Variants in COL23A1 observed in about 807,000 individuals in gnomAD.
The protein encoded by COL23A1 is collagen alpha-1(XXIII) chain.
In COL23A1, 97 loss-of-function variants were observed where a neutral mutation model predicts 99.3. The ratio of observed to expected loss-of-function variants is 0.98; its 90% CI spans 0.83 to 1.16. COL23A1 has a LOEUF of 1.16. COL23A1 is among the 50% of genes most tolerant of loss of function. The pLI, the probability that COL23A1 is intolerant of heterozygous loss-of-function variation, is 0.00. For synonymous variants in COL23A1, 320 were observed against 308.2 expected (o/e 1.04, Z -0.40); for missense variants, 762 against 757.4 (o/e 1.01, Z -0.07).
chr5:178,521,478 A>G (rs888184910), intron 2 of COL23A1, among the ~76,000 whole-genome samples: 2 of 151,228 alleles, frequency 1.3e-5, no homozygotes, highest in East Asian at 2.0e-4. Flanking sequence ...GTGTGAACCC[A>G]GCAGGCGGAG....
At chr5:178,357,778 A>G (rs62389381) in intron 2 of COL23A1, among the ~76,000 whole-genome samples, 10,127 of 137,400 alleles carry the variant, frequency 0.074, 431 homozygotes, top group East Asian at 0.22. Context: ...GTATGTGTGT[A>G]TGTGTATGTG....
At chr5:178,256,294 G>T in intron 15 of COL23A1, 59 bp downstream of exon 15, 2 of 1,337,946 alleles carry the variant, frequency 1.5e-6, no homozygotes, top group Non-Finnish European at 2.0e-6. Context: ...AGGGGCTTCT[G>T]AAGCTATGGG....
intron 2 of COL23A1, among the ~76,000 whole-genome samples, chr5:178,419,702 G>A (rs962752853): frequency 5.9e-5 from 9 of 152,156 alleles, no homozygotes; most frequent in African/African-American, 2.2e-4. Context: ...CTATATCTGA[G>A]TCCTTGTGGA....
chr5:178,384,873 G>A lies in COL23A1; in HGVS notation c.362-77954C>T, dbSNP rs78443836. On this transcript the variant is annotated intron_variant, in intron 2 of 28. Coordinates refer to ENST00000390654, the MANE Select transcript of COL23A1 (RefSeq NM_173465.4). The surrounding 1 kb of genome is among the most constrained non-coding windows in gnomAD (Gnocchi z 5.5). ...GTCCGTAACAGAAAAGCGGGAAATA[G>A]CCTGCAAGGAGGAAGAGCGCGGTGA... Among the ~76,000 whole-genome samples, 769 of 152,306 alleles carry A rather than the reference G, an allele frequency of 5.0e-3. 5 individuals are homozygous for A. Among genetic ancestry groups the A allele is most frequent in the African/African-American group, 0.017 (706 of 41,562 alleles).
intron 2 of COL23A1, among the ~76,000 whole-genome samples, chr5:178,353,182 A>G (rs7727323): frequency 0.044 from 6,731 of 152,302 alleles, 295 homozygotes; most frequent in East Asian, 0.11. Context: ...GGTGAAGTGA[A>G]TTATGGCATA....
rs185042880 is a variant in COL23A1 at position 178,423,577 on chromosome 5, G to A, written c.362-116658C>T. On this transcript the variant is annotated intron_variant, in intron 2 of 28. Transcript: ENST00000390654. The stretch of plus-strand genomic sequence containing the variant: ...AGTAAATGCATCTTCCACCTCGGAT[G>A]GGTGGATGGGGATGTGACCTCACTG... 4.1e-3 allele frequency among the ~76,000 whole-genome samples: 625 copies of A among 152,294 alleles called. 2 individuals carry two copies. The highest frequency in any genetic ancestry group is 7.5e-3 in the Non-Finnish European group (510 of 68,044).
chr5:178,271,951 A>C (rs924018384), intron 5 of COL23A1, among the ~76,000 whole-genome samples: 1 of 152,176 alleles, frequency 6.6e-6, no homozygotes. Context: ...GCCTTCACGC[A>C]GCCTTCGCTC....
chr5:178,283,816 G>A (rs550344021), intron 5 of COL23A1, among the ~76,000 whole-genome samples: 3 of 152,308 alleles, frequency 2.0e-5, no homozygotes, highest in African/African-American at 7.2e-5. Flanking sequence ...GTTTAGAGAG[G>A]AAAAAGCGCT....
At chr5:178,353,910 A>G (rs1464647636) in intron 2 of COL23A1, among the ~76,000 whole-genome samples, 1 of 151,688 alleles carries the variant, frequency 6.6e-6, no homozygotes, top group African/African-American at 2.4e-5. Context: ...ACAAGAGACA[A>G]AACTGTGTAT....
chr5:178,455,720 C>T (rs984636195), intron 2 of COL23A1, among the ~76,000 whole-genome samples: 1 of 152,032 alleles, frequency 6.6e-6, no homozygotes, highest in Non-Finnish European at 1.5e-5. Flanking sequence ...GGCACCTATC[C>T]CCTGCCCACC....
At chr5:178,447,305 G>A (rs1335565073) in intron 2 of COL23A1, among the ~76,000 whole-genome samples, 1 of 152,048 alleles carries the variant, frequency 6.6e-6, no homozygotes, top group Non-Finnish European at 1.5e-5. Flanking sequence ...TATTGGCCAG[G>A]CTGGTCTTGA....
rs1313288318 is a variant in COL23A1, at chr5:178,247,815, T to C, written c.1229A>G (p.Glu410Gly). 1.2e-6 allele frequency: 2 copies of C among 1,613,048 alleles called. No individual in the cohort carries two copies. The highest frequency in any genetic ancestry group is 2.2e-5 in the East Asian group (1 of 44,846). Reference protein sequence around the residue: ...LQESLAQLIVEPGPPGPPGPP... With the variant: ...LQESLAQLIVGPGPPGPPGPP... Reference sequence around the variant, plus strand: ...GCCAGGGGGGCCAGGGGGCCCTGGCTCCACTATGAGCTGAGCCTAGGGAGG... The same window carrying C: ...GCCAGGGGGGCCAGGGGGCCCTGGCCCCACTATGAGCTGAGCCTAGGGAGG... Residue 410 changes from glutamate (E) to glycine (G), a missense_variant, in exon 21 of 29, where the codon GAG becomes GGG. Transcript: ENST00000390654.
At chr5:178,586,570 A>G (rs1030933504) in intron 1 of COL23A1, among the ~76,000 whole-genome samples, 3 of 151,192 alleles carry the variant, frequency 2.0e-5, no homozygotes, top group African/African-American at 4.9e-5. Flanking sequence ...CATTCTAAAC[A>G]TGCTACTATT....
chr5:178,483,201 A>G (rs1581476733), intron 2 of COL23A1, among the ~76,000 whole-genome samples: 1 of 152,260 alleles, frequency 6.6e-6, no homozygotes, highest in Admixed American at 6.5e-5. Context: ...TTATGCAGAT[A>G]TCTAGAGTTA....
At position 178,358,729 on chromosome 5, in the gene COL23A1, GTGTA is replaced by G. The variant is rs1225705295; in HGVS notation, c.362-51814_362-51811del. ...TGTGTGTATGTGTGTATGTGTATGT[GTGTA>G]TGTGTATCTGTGTGTGTATCTGTGT... On this transcript the variant is annotated intron_variant, in intron 2 of 28. Transcript: ENST00000390654. 1.6e-4 allele frequency among the ~76,000 whole-genome samples: 18 copies of G among 112,980 alleles called. 1 individual carries two copies. The highest frequency in any genetic ancestry group is 3.3e-4 in the Admixed American group (4 of 12,222). 74.1% of individuals were successfully genotyped at this position (112,980 alleles called of 152,430 possible).
At chr5:178,326,892 G>T (rs59428358) in intron 2 of COL23A1, among the ~76,000 whole-genome samples, 1 of 152,082 alleles carries the variant, frequency 6.6e-6, no homozygotes, top group South Asian at 2.1e-4. Context: ...GCTAATTTTC[G>T]TATTTTTAGT....
intron 6 of COL23A1, among the ~76,000 whole-genome samples, 162 bp downstream of exon 6, chr5:178,270,175 T>A (rs11746396): frequency 0.28 from 42,684 of 152,058 alleles, 7,076 homozygotes; most frequent in East Asian, 0.54. Context: ...CGTCAGCAGG[T>A]AGTGGAGTTA....
chr5:178,499,448 C>T (rs1758406547), intron 2 of COL23A1, among the ~76,000 whole-genome samples: 1 of 152,142 alleles, frequency 6.6e-6, no homozygotes. Flanking sequence ...CCTCTGTGAC[C>T]CTCCTCCTAC....
intron 2 of COL23A1, among the ~76,000 whole-genome samples, chr5:178,482,858 C>T (rs1317824043): frequency 5.3e-5 from 8 of 151,970 alleles, no homozygotes; most frequent in East Asian, 1.9e-4. Flanking sequence ...GCAGAGATCG[C>T]GCCACTGCAC....
Sources: allele counts gnomAD v4.1 joint callset (sites outside exome capture counted in the v4.1 genomes callset), GRCh38; gene constraint gnomAD v4.1.1; non-coding constraint Gnocchi (gnomAD v3.1); transcripts MANE v1.5; gene names NCBI Gene and HGNC (gene_info 2026-07-23, HGNC 2026-07-21).